RSRC1: variants seen among roughly 807,000 people sequenced by gnomAD.
RSRC1 encodes the protein arginine and serine rich coiled-coil 1, also known as serine/Arginine-related protein 53.
In RSRC1, 39 loss-of-function variants were observed where a neutral mutation model predicts 49.1. The observed-to-expected ratio is 0.79, with a 90% CI of 0.61 to 1.04. RSRC1 has a LOEUF of 1.04. Among genes scored for constraint, RSRC1 ranks in the 50% least tolerant of loss-of-function variants. The probability of loss-of-function intolerance (pLI) is 0.00; values close to 1 mark genes in which losing one functional copy is unlikely to be tolerated. For missense variants in RSRC1, 388 were observed against 402.4 expected (o/e 0.96, Z 0.31); for synonymous variants, 143 against 130.8 (o/e 1.09, Z -0.63).
intron 6 of RSRC1, among the ~76,000 whole-genome samples, chr3:158,437,948 C>A (rs896295681): frequency 5.9e-5 from 9 of 152,162 alleles, no homozygotes; most frequent in African/African-American, 2.2e-4. Context: ...TCTCCTTCAG[C>A]TGATAAACAA....
intron 5 of RSRC1, among the ~76,000 whole-genome samples, chr3:158,332,743 C>T (rs139597669): frequency 1.1e-3 from 165 of 151,946 alleles, no homozygotes; most frequent in African/African-American, 3.9e-3. Flanking sequence ...AAAATTATTA[C>T]CATTTTGCTA....
At chr3:158,466,077 T>C (rs1737874200) in intron 7 of RSRC1, among the ~76,000 whole-genome samples, 1 of 152,212 alleles carries the variant, frequency 6.6e-6, no homozygotes, top group Non-Finnish European at 1.5e-5. Flanking sequence ...ACCTTTCCCT[T>C]AGATTCAGTT....
At chr3:158,415,139 C>T (rs1177125253) in intron 6 of RSRC1, among the ~76,000 whole-genome samples, 1 of 152,064 alleles carries the variant, frequency 6.6e-6, no homozygotes, top group Non-Finnish European at 1.5e-5. Flanking sequence ...ATCATTTTTG[C>T]TTGAAAATGG....
At chr3:158,369,594 A>G (rs1731958765) in intron 6 of RSRC1, among the ~76,000 whole-genome samples, 1 of 152,160 alleles carries the variant, frequency 6.6e-6, no homozygotes, top group African/African-American at 2.4e-5. Flanking sequence ...CTGTTTAAAT[A>G]GACTGGACCT....
intron 6 of RSRC1, among the ~76,000 whole-genome samples, chr3:158,356,502 C>T (rs1397887719): frequency 3.9e-5 from 6 of 151,952 alleles, no homozygotes; most frequent in Admixed American, 3.3e-4. Flanking sequence ...TGTCTCTATA[C>T]TCCTCCTTAT....
intron 6 of RSRC1, among the ~76,000 whole-genome samples, chr3:158,390,478 T>C (rs935861054): frequency 6.6e-6 from 1 of 152,198 alleles, no homozygotes; most frequent in Admixed American, 6.5e-5. Flanking sequence ...AAACATGATT[T>C]GGAATTGAAA....
At chr3:158,501,840 A>C (rs1739615890) in intron 7 of RSRC1, among the ~76,000 whole-genome samples, 1 of 152,122 alleles carries the variant, frequency 6.6e-6, no homozygotes, top group Admixed American at 6.5e-5. Flanking sequence ...CATTTAGGCC[A>C]TTTACATTCA....
intron 4 of RSRC1, among the ~76,000 whole-genome samples, chr3:158,218,705 C>G (rs1394296369): frequency 6.6e-6 from 1 of 151,558 alleles, no homozygotes; most frequent in Non-Finnish European, 1.5e-5. Context: ...TTACTTGGAC[C>G]TTGATGACTA....
chr3:158,441,800 G>T (rs1001797281), intron 6 of RSRC1, among the ~76,000 whole-genome samples: 13 of 152,082 alleles, frequency 8.5e-5, no homozygotes, highest in African/African-American at 2.4e-4. Context: ...TCACCATGGT[G>T]AGAGAAGTAT....
At chr3:158,339,177 A>G (rs1244396414) in intron 5 of RSRC1, among the ~76,000 whole-genome samples, 1 of 151,950 alleles carries the variant, frequency 6.6e-6, no homozygotes, top group Admixed American at 6.6e-5. Context: ...CTGTAGTCCC[A>G]GCTATTCTGG....
intron 7 of RSRC1, among the ~76,000 whole-genome samples, chr3:158,492,254 G>A (rs1038264030): frequency 2.0e-5 from 3 of 152,184 alleles, no homozygotes; most frequent in African/African-American, 7.2e-5. Flanking sequence ...CCCTTGAGAT[G>A]TGAGGATTAC....
chr3:158,131,538 G>A (rs1270080689), intron 3 of RSRC1, among the ~76,000 whole-genome samples: 2 of 152,170 alleles, frequency 1.3e-5, no homozygotes, highest in Non-Finnish European at 2.9e-5. Context: ...TGTGTGGGTA[G>A]CATTGAGGGA....
intron 7 of RSRC1, among the ~76,000 whole-genome samples, chr3:158,521,275 C>T (rs1281696078): frequency 6.6e-6 from 1 of 152,114 alleles, no homozygotes; most frequent in African/African-American, 2.4e-5. Flanking sequence ...CAGCAGATCT[C>T]CATGTGAAGT....
chr3:158,198,970 G>A (rs1720848345), intron 3 of RSRC1, among the ~76,000 whole-genome samples: 1 of 152,122 alleles, frequency 6.6e-6, no homozygotes, highest in Admixed American at 6.6e-5. Flanking sequence ...TCCTGATGTG[G>A]TTTGGCTCTG....
At chr3:158,487,216 A>G (rs1455506469) in intron 7 of RSRC1, among the ~76,000 whole-genome samples, 1 of 152,198 alleles carries the variant, frequency 6.6e-6, no homozygotes, top group East Asian at 1.9e-4. Flanking sequence ...ACATACTACA[A>G]GAATGAATAT....
intron 4 of RSRC1, among the ~76,000 whole-genome samples, chr3:158,250,046 A>G (rs1313244846): frequency 6.6e-6 from 1 of 152,320 alleles, no homozygotes; most frequent in East Asian, 1.9e-4. Flanking sequence ...GTCTCCCACA[A>G]ATAAGTGAGA....
rs370210515 is a variant in RSRC1 at position 158,401,969 on chromosome 3, C to T, written c.583+47061C>T. On this transcript the variant is annotated intron_variant, in intron 6 of 9. Coordinates refer to ENST00000611884, the MANE Select transcript of RSRC1 (RefSeq NM_001271838.2). ...TTCCCATTTGAAGACACTCAGTATA[C>T]TAAGTGTTATAGTACAATTTTATGC... Among the ~76,000 whole-genome samples, 72 of 151,888 alleles carry T rather than the reference C, an allele frequency of 4.7e-4. 2 individuals carry two copies. The South Asian group carries it at 0.015, about 31-fold the overall frequency.
intron 4 of RSRC1, among the ~76,000 whole-genome samples, chr3:158,279,067 C>T (rs891061890): frequency 7.2e-5 from 11 of 152,132 alleles, no homozygotes; most frequent in Non-Finnish European, 2.9e-5. Flanking sequence ...CAGTTGAAGG[C>T]TCCTTTTCTA....
At chr3:158,305,363 A>G (rs1727780767) in intron 5 of RSRC1, among the ~76,000 whole-genome samples, 1 of 152,174 alleles carries the variant, frequency 6.6e-6, no homozygotes, top group Non-Finnish European at 1.5e-5. Flanking sequence ...AGGTTATTAA[A>G]GCTTTTTAAA....
Sources: gnomAD v4.1 joint callset for allele counts (sites outside exome capture counted in the v4.1 genomes callset) on GRCh38, gnomAD v4.1.1 for gene constraint, MANE v1.5 for transcripts, NCBI Gene and HGNC (gene_info 2026-07-23, HGNC 2026-07-21) for gene names.